Variants in PCDHGA7 observed in about 807,000 individuals in gnomAD.
PCDHGA7 encodes protocadherin gamma-A7.
Under a neutral mutation model 58.3 loss-of-function variants are expected in PCDHGA7, and 44 were observed. That is an observed-to-expected ratio of 0.75 (90% CI 0.59 to 0.97). PCDHGA7 has a LOEUF of 0.97. PCDHGA7 is among the 50% of genes least tolerant of loss of function. PCDHGA7 has a pLI of 0.00. For missense variants in PCDHGA7, 1,266 were observed against 1,188.7 expected, an observed-to-expected ratio of 1.06 and a Z score of -0.96; for synonymous variants, 516 against 504.2, an observed-to-expected ratio of 1.02 and a Z score of -0.31.
chr5:141,449,842 A>G (rs893220311), intron 1 of PCDHGA7, among the ~76,000 whole-genome samples: 4 of 151,700 alleles, frequency 2.6e-5, no homozygotes, highest in Non-Finnish European at 4.4e-5. Flanking sequence ...TTATATAATT[A>G]AATTTTAATA....
At chr5:141,448,822 G>A (rs924937891) in intron 1 of PCDHGA7, among the ~76,000 whole-genome samples, 4 of 152,048 alleles carry the variant, frequency 2.6e-5, no homozygotes, top group African/African-American at 9.7e-5. Context: ...GCGGGCGCCT[G>A]TAGTCCCAGC....
intron 1 of PCDHGA7, chr5:141,405,107 T>A: frequency 6.2e-7 from 1 of 1,613,998 alleles, no homozygotes; most frequent in African/African-American, 1.3e-5. Flanking sequence ...GCTGAGGCAC[T>A]GGCACTCCTC....
intron 1 of PCDHGA7, chr5:141,392,382 T>A (rs1463242705): frequency 6.5e-6 from 1 of 154,612 alleles, no homozygotes; most frequent in Non-Finnish European, 1.4e-5. Context: ...TCTGATCTAA[T>A]CTGATCATTT....
At chr5:141,480,205 A>G (rs2099514310) in intron 1 of PCDHGA7, among the ~76,000 whole-genome samples, 1 of 151,108 alleles carries the variant, frequency 6.6e-6, no homozygotes, top group Admixed American at 6.6e-5. Flanking sequence ...GCAGTTCAAG[A>G]CCAGCCTGAG....
chr5:141,477,804 A>G lies in PCDHGA7; in HGVS notation c.2425-17003A>G. The G allele has an allele frequency of 6.2e-7, 1 of 1,614,088 alleles. No individual in the cohort carries two copies. ...ATATTTGTCACTGATCGCAATGACA[A>G]TGCCCCCCAGGTCCTATATCCTCGG... On this transcript the variant is annotated intron_variant, in intron 1 of 3. Transcript: ENST00000518325. The surrounding 1 kb of genome is among the most constrained non-coding windows in gnomAD (Gnocchi z 4.9).
intron 1 of PCDHGA7, among the ~76,000 whole-genome samples, chr5:141,433,747 G>A (rs566709728): frequency 1.3e-5 from 2 of 150,990 alleles, no homozygotes; most frequent in East Asian, 4.0e-4. Context: ...TGAGTCAGGA[G>A]AATTGCTTTA....
chr5:141,392,869 T>G, intron 1 of PCDHGA7: 4 of 1,613,228 alleles, frequency 2.5e-6, no homozygotes, highest in Non-Finnish European at 3.4e-6. Flanking sequence ...CTGTGCGCGC[T>G]GCTGGGAACG....
intron 1 of PCDHGA7, among the ~76,000 whole-genome samples, chr5:141,445,814 T>C (rs1554133709): frequency 6.6e-6 from 1 of 152,182 alleles, no homozygotes; most frequent in Non-Finnish European, 1.5e-5. Context: ...TAGATGAAAC[T>C]AATAAGGCAG....
Position 141,511,380 on chromosome 5 carries a change from C to T in PCDHGA7, c.*207C>T, listed in dbSNP as rs896762148. 1.5e-5 allele frequency: 18 copies of T among 1,170,372 alleles called. No homozygotes were observed. The highest frequency in any genetic ancestry group is 3.0e-4 in the Middle Eastern group (1 of 3,384). 72.5% of individuals were successfully genotyped at this position (1,170,372 alleles called of 1,614,324 possible). ...GGGGTTGAATATGCAAAAGCAGTTC[C>T]GCTGGGAACCCCCATCCAATCAACT... is the stretch of plus-strand genomic sequence containing the variant. On this transcript the variant is annotated 3_prime_UTR_variant, in exon 4 of 4. Coordinates refer to ENST00000518325, the MANE Select transcript of PCDHGA7 (RefSeq NM_018920.4).
At chr5:141,448,086 TA>T (rs558292628) in intron 1 of PCDHGA7, among the ~76,000 whole-genome samples, 67 of 146,274 alleles carry the variant, frequency 4.6e-4, no homozygotes, top group African/African-American at 8.0e-4. Context: ...AATGCCATCT[TA>T]AAAAAAAAAA....
intron 1 of PCDHGA7, chr5:141,414,828 G>A (rs780047810): frequency 1.4e-5 from 22 of 1,614,092 alleles, no homozygotes; most frequent in Non-Finnish European, 1.8e-5. Flanking sequence ...GCAACGTGTC[G>A]TTGAGCCTGT....
rs979093310 is a variant in PCDHGA7 at position 141,486,621 on chromosome 5, A to G, written c.2425-8186A>G. On this transcript the variant is annotated intron_variant, in intron 1 of 3. Transcript: ENST00000518325. This position sits in a 1 kb window ranked among gnomAD's most constrained non-coding sequence, Gnocchi z 5.0. The stretch of plus-strand genomic sequence containing the variant: ...TGCTCCCTTGCAGCCTCTGACCCAG[A>G]CTCTGGCTTGAATGCGCTTATCTCC... 6.2e-7 allele frequency: 1 copy of G among 1,613,388 alleles called. No individual in the cohort carries two copies. The highest frequency in any genetic ancestry group is 1.3e-5 in the African/African-American group (1 of 74,960).
chr5:141,488,656 G>A (rs2099678001), intron 1 of PCDHGA7, among the ~76,000 whole-genome samples: 1 of 152,200 alleles, frequency 6.6e-6, no homozygotes, highest in African/African-American at 2.4e-5. Flanking sequence ...ATGGGGGAGG[G>A]TGGGGGAATA....
intron 1 of PCDHGA7, chr5:141,404,176 A>G (rs763166170): frequency 7.4e-6 from 12 of 1,613,206 alleles, no homozygotes; most frequent in South Asian, 2.2e-5. Context: ...TGACGGCCCA[A>G]ATTCTTGACC....
intron 3 of PCDHGA7, among the ~76,000 whole-genome samples, chr5:141,510,272 TAAAAAA>T (rs546154379): frequency 7.7e-6 from 1 of 130,390 alleles, no homozygotes; most frequent in Non-Finnish European, 1.6e-5. Context: ...GACTCCATCT[TAAAAAA>T]AAAAAAAAAA....
Position 141,384,956 on chromosome 5 carries a change from A to G in PCDHGA7, c.2057A>G (p.Asn686Ser), listed in dbSNP as rs1305792842. ...GSLEPSDGPY[N>S]YDLTLYLVVA... ...CTTGAGCCCTCCGACGGTCCTTACAACTATGACCTCACGTTGTACCTGGTG... is the reference window on the plus strand; with the variant it reads ...CTTGAGCCCTCCGACGGTCCTTACAGCTATGACCTCACGTTGTACCTGGTG... Residue 686 changes from asparagine to serine, a missense_variant, in exon 1 of 4, where the codon AAC (asparagine) becomes AGC (serine). By Grantham distance (46) the Asn-to-Ser change is conservative. Transcript: ENST00000518325. 6.2e-7 allele frequency: 1 copy of G among 1,613,934 alleles called. No individual in the cohort carries two copies. Among genetic ancestry groups the G allele is most frequent in the African/African-American group, 1.3e-5 (1 of 74,914 alleles).
chr5:141,395,643 T>A (rs2150633577), intron 1 of PCDHGA7: 1 of 171,018 alleles, frequency 5.8e-6, no homozygotes, highest in East Asian at 1.7e-4. Flanking sequence ...GCCTTGTTAT[T>A]AGCTTAGCAA....
Position 141,494,824 on chromosome 5 carries a change from G to A in PCDHGA7, c.2442G>A (p.Thr814=), listed in dbSNP as rs1423741889. The A allele has an allele frequency of 1.8e-5, 29 of 1,613,924 alleles. No homozygotes were observed. Among genetic ancestry groups the A allele is most frequent in the Non-Finnish European group, 2.4e-5 (28 of 1,180,032 alleles). Residue 814 remains threonine (T), a synonymous_variant, in exon 2 of 4, where the codon ACG becomes ACA. Transcript: ENST00000518325. The part of the protein sequence containing the change: ...LPSIQQAPPN[T]DWRFSQAQRP... ...CTCCACAGCAAGCCCCGCCCAACAC[G>A]GACTGGCGTTTCTCTCAGGCCCAGA...
rs747671382 is a variant in PCDHGA7 at position 141,444,152 on chromosome 5, A to ATTTTTTTTTT, written c.2425-50628_2425-50619dup. 1.8e-4 allele frequency among the ~76,000 whole-genome samples: 6 copies of ATTTTTTTTTT among 33,898 alleles called. 2 individuals are homozygous for ATTTTTTTTTT. Among genetic ancestry groups the ATTTTTTTTTT allele is most frequent in the Non-Finnish European group, 3.1e-4 (6 of 19,312 alleles). The allele number at this position is 33,898 out of a possible 152,430, so 22.2% of individuals were successfully genotyped here. A position where few individuals can be genotyped will look rare whatever the true frequency, so the allele number is the denominator to read the frequency against. On this transcript the variant is annotated intron_variant, in intron 1 of 3. Coordinates refer to ENST00000518325, the MANE Select transcript of PCDHGA7 (RefSeq NM_018920.4). ...GATATGTGTCACTTGTGTGTACTGG[A>ATTTTTTTTTT]TTTTTTTTTTTTTTTTTTTTTTTTT...
Sources: gnomAD v4.1 joint callset for allele counts (sites outside exome capture counted in the v4.1 genomes callset) on GRCh38, gnomAD v4.1.1 for gene constraint, Gnocchi (gnomAD v3.1) non-coding constraint, MANE v1.5 for transcripts, NCBI Gene and HGNC (gene_info 2026-07-23, HGNC 2026-07-21) for gene names.